The following RGS6 variants were observed in gnomAD, a reference collection of about 807,000 sequenced individuals.
RGS6 encodes the protein regulator of G-protein signaling 6.
Under a neutral mutation model 78.5 loss-of-function variants are expected in RGS6, and 30 were observed. The observed-to-expected ratio is 0.38, with a 90% confidence interval of 0.29 to 0.52. The LOEUF (loss-of-function observed/expected upper bound fraction) is 0.52, where lower values mean the gene tolerates loss of function less well. Ranked by LOEUF, RGS6 falls within the 20% of genes least tolerant of loss-of-function variation. The probability of loss-of-function intolerance (pLI) is 0.85; values close to 1 mark genes in which losing one functional copy is unlikely to be tolerated. For missense variants in RGS6, 495 were observed against 609.7 expected, an observed-to-expected ratio of 0.81 and a Z score of 1.98; for synonymous variants, 206 against 206.0, an observed-to-expected ratio of 1.00 and a Z score of 0.00.
chr14:72,208,162 A>G (rs765550842), intron 2 of RGS6, among the ~76,000 whole-genome samples: 1 of 152,224 alleles, frequency 6.6e-6, no homozygotes, highest in Non-Finnish European at 1.5e-5. Context: ...AGTGAGAGTC[A>G]CTATGAAGAC....
chr14:72,036,332 G>T (rs867510098), intron 2 of RGS6, among the ~76,000 whole-genome samples: 6 of 151,480 alleles, frequency 4.0e-5, no homozygotes, highest in South Asian at 2.1e-4. Flanking sequence ...TCCAGTTTTT[G>T]ATAATTAAGA....
At chr14:72,009,859 T>C (rs1266568376) in intron 2 of RGS6, among the ~76,000 whole-genome samples, 1 of 152,226 alleles carries the variant, frequency 6.6e-6, no homozygotes, top group Non-Finnish European at 1.5e-5. Flanking sequence ...ATTTGTTGAG[T>C]GACTTGACAC....
intron 2 of RGS6, among the ~76,000 whole-genome samples, chr14:72,004,302 C>T (rs765271032): frequency 1.5e-4 from 23 of 152,158 alleles, no homozygotes; most frequent in Admixed American, 4.6e-4. Context: ...ATGGATGGTG[C>T]ACCTGGGTGG....
intron 1 of RGS6, among the ~76,000 whole-genome samples, chr14:71,960,327 G>T (rs2093097233): frequency 6.6e-6 from 1 of 152,156 alleles, no homozygotes; most frequent in Non-Finnish European, 1.5e-5. Flanking sequence ...GTCCAGGCTG[G>T]TTCATATCAA....
chr14:72,446,145 C>G (rs2095357808), intron 3 of RGS6, among the ~76,000 whole-genome samples: 1 of 152,134 alleles, frequency 6.6e-6, no homozygotes, highest in South Asian at 2.1e-4. Flanking sequence ...GTGGTCCCAG[C>G]CACTTGGGAA....
intron 2 of RGS6, among the ~76,000 whole-genome samples, chr14:72,216,642 C>T (rs1018543710): frequency 6.6e-6 from 1 of 152,170 alleles, no homozygotes; most frequent in African/African-American, 2.4e-5. Flanking sequence ...AAATAATTAA[C>T]ATAAGCTCAA....
chr14:72,612,205 T>C, the RGS6 span, among the ~76,000 whole-genome samples: 49 of 152,184 alleles, frequency 3.2e-4, no homozygotes, highest in Non-Finnish European at 6.5e-4. Flanking sequence ...TTCCCTTTCC[T>C]GGCCAGAGGA....
intron 2 of RGS6, among the ~76,000 whole-genome samples, chr14:72,103,762 C>T (rs902594435): frequency 5.3e-5 from 8 of 152,126 alleles, no homozygotes; most frequent in African/African-American, 1.4e-4. Flanking sequence ...GGCCACTTGC[C>T]GCCTAGACTC....
chr14:71,993,131 G>A (rs2095038343), intron 2 of RGS6, among the ~76,000 whole-genome samples: 1 of 152,124 alleles, frequency 6.6e-6, no homozygotes, highest in African/African-American at 2.4e-5. Context: ...TAGACTCCTG[G>A]AATTGAAAAA....
At chr14:72,211,248 T>C (rs970735063) in intron 2 of RGS6, among the ~76,000 whole-genome samples, 7 of 152,116 alleles carry the variant, frequency 4.6e-5, no homozygotes, top group Non-Finnish European at 8.8e-5. Flanking sequence ...AAGGAAAGTG[T>C]TTTAAAAAGG....
intron 17 of RGS6, chr14:72,540,320 C>T (rs1196735957): frequency 2.0e-6 from 3 of 1,473,512 alleles, no homozygotes; most frequent in Non-Finnish European, 2.7e-6. Flanking sequence ...GAAGGTGCAC[C>T]CTTGATCGCC....
chr14:72,316,232 A>T (rs992132520), intron 2 of RGS6, among the ~76,000 whole-genome samples: 1 of 151,828 alleles, frequency 6.6e-6, no homozygotes, highest in African/African-American at 2.4e-5. Flanking sequence ...TTGTCTTTTT[A>T]TTTTTTTTAT....
At chr14:72,258,950 G>T (rs1251654816) in intron 2 of RGS6, among the ~76,000 whole-genome samples, 2 of 152,160 alleles carry the variant, frequency 1.3e-5, no homozygotes, top group Non-Finnish European at 2.9e-5. Context: ...GGAGAAAATG[G>T]AAACCTTATT....
At chr14:71,984,587 G>A (rs1051099578) in intron 2 of RGS6, among the ~76,000 whole-genome samples, 1 of 152,078 alleles carries the variant, frequency 6.6e-6, no homozygotes, top group Admixed American at 6.6e-5. Flanking sequence ...GGAGTTGGCT[G>A]GTGGAAAAGA....
chr14:72,542,827 G>A (rs1355096969), intron 17 of RGS6, among the ~76,000 whole-genome samples: 4 of 151,488 alleles, frequency 2.6e-5, no homozygotes. Flanking sequence ...CAAGTCTTAT[G>A]TTGTGCCATG....
intron 17 of RGS6, chr14:72,552,848 T>C (rs572151826): frequency 6.6e-6 from 1 of 152,268 alleles, no homozygotes; most frequent in Admixed American, 6.5e-5. Flanking sequence ...TAAATGCCTT[T>C]TTCATGGGGG....
At chr14:72,510,650 G>A (rs141996802) in intron 14 of RGS6, among the ~76,000 whole-genome samples, 2,646 of 152,328 alleles carry the variant, frequency 0.017, 32 homozygotes, top group Middle Eastern at 0.048. Context: ...AAACTTCCCA[G>A]TCTGGGGTCC....
At chr14:72,528,651 C>T (rs373934056) in intron 15 of RGS6, among the ~76,000 whole-genome samples, 6 of 151,788 alleles carry the variant, frequency 4.0e-5, no homozygotes, top group South Asian at 2.1e-4. Context: ...AAGGGAAAGA[C>T]GGAGGGAGAG....
chr14:72,277,312 T>C (rs1265962976), intron 2 of RGS6, among the ~76,000 whole-genome samples: 3 of 152,210 alleles, frequency 2.0e-5, no homozygotes, highest in Admixed American at 2.0e-4. Flanking sequence ...TAAATATCTC[T>C]ACTAGCCGGG....
Sources: allele counts gnomAD v4.1 joint callset (sites outside exome capture counted in the v4.1 genomes callset), GRCh38; gene constraint gnomAD v4.1.1; transcripts MANE v1.5; gene names NCBI Gene and HGNC (gene_info 2026-07-23, HGNC 2026-07-21).